The following FRAS1 variants were observed in gnomAD, a reference collection of about 807,000 sequenced individuals.
FRAS1 encodes the protein extracellular matrix organizing protein FRAS1.
Under a neutral mutation model 435.2 loss-of-function variants are expected in FRAS1, and 290 were observed. That is an observed-to-expected ratio of 0.67 (90% confidence interval 0.61 to 0.73). FRAS1 has a LOEUF of 0.73. FRAS1 is among the 30% of genes least tolerant of loss of function. The pLI is 0.00. For synonymous variants in FRAS1, 1,800 were observed against 1,851.0 expected (o/e 0.97, Z 0.71); for missense variants, 4,860 against 5,001.5 (o/e 0.97, Z 0.85).
In FRAS1 at chr4:78,237,642, A is replaced by C. The variant is rs778383520; in HGVS notation, c.216+25A>C. On this transcript the variant is annotated intron_variant, in intron 3 of 73. Coordinates refer to ENST00000512123, the MANE Select transcript of FRAS1 (RefSeq NM_025074.7). Reference sequence around the variant, plus strand: ...GGTACGGTATCCTAATTGTGTCCTAAATGTATTGGTAAAGTCAGTGAAGGG... The same window carrying C: ...GGTACGGTATCCTAATTGTGTCCTACATGTATTGGTAAAGTCAGTGAAGGG... The C allele has an allele frequency of 8.7e-6, 12 of 1,382,780 alleles. No individual in the cohort carries two copies. In the African/African-American group the frequency reaches 1.7e-4, roughly 20 times the overall value. 85.7% of individuals were successfully genotyped at this position (1,382,780 alleles called of 1,614,324 possible).
At chr4:78,391,832 A>G (rs976896828) in intron 29 of FRAS1, among the ~76,000 whole-genome samples, 5 of 152,100 alleles carry the variant, frequency 3.3e-5, no homozygotes, top group Non-Finnish European at 5.9e-5. Context: ...ATTAATGCCT[A>G]CCTCTCATTG....
intron 14 of FRAS1, among the ~76,000 whole-genome samples, chr4:78,298,017 T>C (rs1433234585): frequency 1.9e-5 from 2 of 105,698 alleles, no homozygotes; most frequent in Non-Finnish European, 3.8e-5. Flanking sequence ...TCTCTCTCTC[T>C]CTCTCTCTCT....
At chr4:78,146,778 C>A (rs1246000523) in intron 2 of FRAS1, among the ~76,000 whole-genome samples, 4 of 152,030 alleles carry the variant, frequency 2.6e-5, no homozygotes, top group Non-Finnish European at 5.9e-5. Flanking sequence ...TTATTATGGC[C>A]ACATAAATAT....
intron 2 of FRAS1, among the ~76,000 whole-genome samples, chr4:78,164,261 C>T (rs973482934): frequency 6.6e-6 from 1 of 151,964 alleles, no homozygotes; most frequent in Non-Finnish European, 1.5e-5. Flanking sequence ...GGGTAGTATG[C>T]GATGCTTGGA....
chr4:78,363,385 CTT>C (rs2110295871), intron 20 of FRAS1, 126 bp from the exon 21 acceptor site: 1 of 907,234 alleles, frequency 1.1e-6, no homozygotes, highest in African/African-American at 1.7e-5. Context: ...TATACACTGC[CTT>C]TGGGCTACTC....
rs117925872 is a variant in FRAS1 at position 78,317,357 on chromosome 4, C to G, written c.1820-11C>G. 612 of 1,613,754 alleles carry G rather than the reference C, an allele frequency of 3.8e-4. 1 individual carries two copies. The East Asian group carries it at 6.4e-3, about 17-fold the overall frequency. On this transcript the variant is annotated splice_polypyrimidine_tract_variant and intron_variant, in intron 16 of 73. Coordinates refer to ENST00000512123, the MANE Select transcript of FRAS1 (RefSeq NM_025074.7). ...GTCCCATGGCGTTCTCCCTCTCACT[C>G]TCTTCCTCAGTTTGTCATAACTCAT...
intron 2 of FRAS1, among the ~76,000 whole-genome samples, chr4:78,166,687 C>G (rs1004900084): frequency 5.3e-5 from 8 of 152,156 alleles, no homozygotes; most frequent in African/African-American, 1.4e-4. Flanking sequence ...TTAATTTCAA[C>G]CACTAGTAAA....
chr4:78,317,407 C>T lies in FRAS1; in HGVS notation c.1859C>T (p.Pro620Leu), dbSNP rs1729314473. The change falls in exon 17 of 74, where the codon CCC becomes CTC. Residue 620 changes from proline (P) to leucine (L), a missense_variant. Physicochemically the swap from Pro to Leu is moderately conservative, Grantham distance 98. Transcript: ENST00000512123. The part of the protein sequence containing the change: ...NSCASCSGPT[P>L]SHCTACSPPK... The stretch of plus-strand genomic sequence containing the variant: ...TGTGCCAGCTGCTCTGGGCCCACAC[C>T]CTCTCACTGTACAGCCTGCAGCCCC... The T allele has an allele frequency of 5.0e-6, 8 of 1,613,780 alleles. No homozygotes were observed. The highest frequency in any genetic ancestry group is 1.3e-5 in the African/African-American group (1 of 74,930).
At chr4:78,271,463 C>G (rs975197127) in intron 9 of FRAS1, among the ~76,000 whole-genome samples, 19 of 151,768 alleles carry the variant, frequency 1.3e-4, no homozygotes, top group South Asian at 4.2e-4. Context: ...ATCCCTCCCC[C>G]CTACCCCCAA....
At chr4:78,531,567 C>T (rs1003418939) in intron 70 of FRAS1, among the ~76,000 whole-genome samples, 6 of 152,156 alleles carry the variant, frequency 3.9e-5, no homozygotes, top group African/African-American at 7.2e-5. Flanking sequence ...TGTATTTTAT[C>T]GTAGGCCTTT....
intron 20 of FRAS1, among the ~76,000 whole-genome samples, chr4:78,354,008 A>T (rs540570025): frequency 1.5e-3 from 9 of 6,144 alleles, no homozygotes; most frequent in South Asian, 2.5e-3. Context: ...CAAAAAAATT[A>T]AAAAAAAAAT....
rs781445221 is a variant in FRAS1 at position 78,540,600 on chromosome 4, C to T, written c.11515C>T (p.Arg3839Trp). 8 of 1,538,960 alleles carry T rather than the reference C, an allele frequency of 5.2e-6. No individual in the cohort carries two copies. The highest frequency in any genetic ancestry group is 2.3e-5 in the East Asian group (1 of 44,250). Reference sequence around the variant, plus strand: ...TGGCCCTGACACCATCTCAGGGCCCCGGGTCCAGCGCTCTCTCACAGCTCC... The same window carrying T: ...TGGCCCTGACACCATCTCAGGGCCCTGGGTCCAGCGCTCTCTCACAGCTCC... The part of the protein sequence containing the change: ...IIGPDTISGP[R>W]VQRSLTAPLR... Residue 3839 changes from arginine to tryptophan, a missense_variant, in exon 74 of 74, where the codon CGG becomes TGG. Transcript: ENST00000512123.
chr4:78,094,170 T>C (rs1741675937), intron 2 of FRAS1, among the ~76,000 whole-genome samples: 1 of 146,622 alleles, frequency 6.8e-6, no homozygotes. Flanking sequence ...TGGTAGTACA[T>C]CTCTATATTA....
chr4:78,411,943 C>G (rs1435297850), intron 31 of FRAS1, among the ~76,000 whole-genome samples: 1 of 152,032 alleles, frequency 6.6e-6, no homozygotes, highest in Admixed American at 6.6e-5. Context: ...AGTTTCCTCA[C>G]CTGTAAAAAA....
At chr4:78,445,030 A>G (rs1484329) in intron 41 of FRAS1, among the ~76,000 whole-genome samples, 3,946 of 152,348 alleles carry the variant, frequency 0.026, 170 homozygotes, top group African/African-American at 0.09. Flanking sequence ...AAAGATACAC[A>G]GTTAACACTA....
At chr4:78,434,742 A>G (rs115863509) in intron 38 of FRAS1, among the ~76,000 whole-genome samples, 2,676 of 152,244 alleles carry the variant, frequency 0.018, 95 homozygotes, top group African/African-American at 0.06. Context: ...TAAGCAAAAA[A>G]AGAAAAAAGC....
chr4:78,359,406 A>G (rs1730989308), intron 20 of FRAS1, among the ~76,000 whole-genome samples: 1 of 152,156 alleles, frequency 6.6e-6, no homozygotes, highest in African/African-American at 2.4e-5. Context: ...CTCTCCTACA[A>G]AGAGATTTTG....
chr4:78,383,865 G>A (rs770058734), intron 27 of FRAS1, among the ~76,000 whole-genome samples, 194 bp from the exon 28 acceptor site: 1 of 152,128 alleles, frequency 6.6e-6, no homozygotes, highest in Non-Finnish European at 1.5e-5. Flanking sequence ...AGAACACACA[G>A]TATTTTTACC....
chr4:78,413,091 T>C lies in FRAS1; in HGVS notation c.4425+6T>C. ...AAGCATCTCTCCATATGACTGTGAG[T>C]TGGGTGGGAGGCTTGTGGTTTCCAC... On this transcript the variant is annotated splice_donor_region_variant and intron_variant, in intron 32 of 73. Transcript: ENST00000512123. 1.3e-6 allele frequency: 2 copies of C among 1,559,108 alleles called. No homozygotes were observed. The highest frequency in any genetic ancestry group is 1.2e-5 in the South Asian group (1 of 86,434).
Sources: gnomAD v4.1 joint callset for allele counts (sites outside exome capture counted in the v4.1 genomes callset) on GRCh38, gnomAD v4.1.1 for gene constraint, MANE v1.5 for transcripts, NCBI Gene and HGNC (gene_info 2026-07-23, HGNC 2026-07-21) for gene names.